Variants in ENAH observed in about 807,000 individuals in gnomAD.
ENAH encodes protein enabled homolog.
A neutral mutation model predicts 78.7 loss-of-function variants in ENAH; 23 were observed. The ratio of observed to expected loss-of-function variants is 0.29; its 90% CI spans 0.21 to 0.41. The LOEUF is 0.41. Ranked by LOEUF, ENAH falls within the 10% of genes least tolerant of loss-of-function variation. ENAH has a pLI of 1.00. For synonymous variants in ENAH, 226 were observed against 241.0 expected (o/e 0.94, Z 0.58); for missense variants, 544 against 691.0 (o/e 0.79, Z 2.39).
intron 1 of ENAH, among the ~76,000 whole-genome samples, chr1:225,645,617 G>C (rs1321201267): frequency 6.6e-6 from 1 of 152,160 alleles, no homozygotes; most frequent in East Asian, 1.9e-4. Context: ...TAAAGCAGCT[G>C]CACCATCTTA....
rs533885430 is a variant in ENAH at position 225,622,002 on chromosome 1, G to T, written c.5+30684C>A. On this transcript the variant is annotated intron_variant, in intron 1 of 13. Coordinates refer to ENST00000366843, the MANE Select transcript of ENAH (RefSeq NM_018212.6). ...CTGAAAATGTTTCTACTTCTAACAT[G>T]AAACAATCTATGTACTATCATCTTA... Among the ~76,000 whole-genome samples, 108 of 152,236 alleles carry T rather than the reference G, an allele frequency of 7.1e-4. 1 individual carries two copies. In the South Asian group the frequency reaches 0.022, roughly 30 times the overall value.
chr1:225,591,132 G>C (rs777001180), intron 1 of ENAH, among the ~76,000 whole-genome samples: 4 of 152,108 alleles, frequency 2.6e-5, no homozygotes, highest in Non-Finnish European at 5.9e-5. Flanking sequence ...CAGAATCATT[G>C]GCACATGGAC....
intron 1 of ENAH, among the ~76,000 whole-genome samples, chr1:225,643,852 G>A (rs1029069403): frequency 1.6e-4 from 24 of 152,040 alleles, no homozygotes; most frequent in African/African-American, 5.1e-4. Flanking sequence ...TGGGAGGATC[G>A]CTTGAGCCCA....
intron 1 of ENAH, among the ~76,000 whole-genome samples, chr1:225,609,993 A>G (rs1179514019): frequency 1.3e-5 from 2 of 152,068 alleles, no homozygotes; most frequent in Non-Finnish European, 1.5e-5. Context: ...GTAAAACTAC[A>G]TGACTATATA....
intron 1 of ENAH, among the ~76,000 whole-genome samples, chr1:225,607,430 A>T (rs781075689): frequency 7.9e-5 from 12 of 152,030 alleles, no homozygotes; most frequent in Admixed American, 7.2e-4. Context: ...GCTGAAGAAA[A>T]CAGAAACTGT....
At chr1:225,514,269 C>T (rs193066593) in intron 7 of ENAH, among the ~76,000 whole-genome samples, 14 of 152,128 alleles carry the variant, frequency 9.2e-5, no homozygotes, top group African/African-American at 2.9e-4. Context: ...CGGGTTCAAG[C>T]GATTCTTCTG....
chr1:225,610,161 A>T (rs1052434356), intron 1 of ENAH, among the ~76,000 whole-genome samples: 1 of 110,788 alleles, frequency 9.0e-6, no homozygotes, highest in African/African-American at 5.4e-5. Flanking sequence ...TATGTTCAAT[A>T]AAAAAAAAAA....
At position 225,490,393 on chromosome 1, in the gene ENAH, TGA is replaced by T. The variant is rs2096216906; in HGVS notation, c.*7380_*7381del. 2.0e-5 allele frequency: 3 copies of T among 152,064 alleles called. No homozygotes were observed. The highest frequency in any genetic ancestry group is 4.4e-5 in the Non-Finnish European group (3 of 68,028). The allele number at this position is 152,064 out of a possible 1,614,324, so 9.4% of individuals were successfully genotyped here. A position where few individuals can be genotyped will look rare whatever the true frequency, so the allele number is the denominator to read the frequency against. On this transcript the variant is annotated 3_prime_UTR_variant, in exon 14 of 14. Transcript: ENST00000366843. ...TTCAAGACCAGCCTGGGCAACATGG[TGA>T]AACCCCATCTCTACTAAAAATACAA...
chr1:225,514,173 A>G (rs1279869378), intron 7 of ENAH, among the ~76,000 whole-genome samples: 1 of 151,874 alleles, frequency 6.6e-6, no homozygotes, highest in East Asian at 1.9e-4. Context: ...ATTTTTATTT[A>G]TTTTATTTTT....
chr1:225,533,741 G>A (rs1002814073), intron 3 of ENAH, among the ~76,000 whole-genome samples: 3 of 152,058 alleles, frequency 2.0e-5, no homozygotes, highest in African/African-American at 7.2e-5. Flanking sequence ...TCTATAATAG[G>A]AACTGTATGT....
chr1:225,650,781 C>T lies in ENAH; in HGVS notation c.5+1905G>A, dbSNP rs758748762. Among the ~76,000 whole-genome samples, 91 of 129,210 alleles carry T rather than the reference C, an allele frequency of 7.0e-4. 1 individual carries two copies. The highest frequency in any genetic ancestry group is 1.1e-3 in the Non-Finnish European group (70 of 64,040). 84.8% of individuals were successfully genotyped at this position (129,210 alleles called of 152,430 possible). A position where few individuals can be genotyped will look rare whatever the true frequency, so the allele number is the denominator to read the frequency against. ...AGGAGAATCGCTTGAACCCAGGAGG[C>T]GGAGGTTGCAGTGAGCCGAGACCGC... On this transcript the variant is annotated intron_variant, in intron 1 of 13. Coordinates refer to ENST00000366843, the MANE Select transcript of ENAH (RefSeq NM_018212.6).
In ENAH at chr1:225,596,964, T is replaced by C. The variant is rs376185721; in HGVS notation, c.6-29550A>G. Reference sequence around the variant, plus strand: ...TAAATTGAACAAGTGGTCACAGCTGTTAGGTGTACTGTTTCTGTCATTCTG... The same window carrying C: ...TAAATTGAACAAGTGGTCACAGCTGCTAGGTGTACTGTTTCTGTCATTCTG... On this transcript the variant is annotated intron_variant, in intron 1 of 13. Transcript: ENST00000366843. 4.6e-5 allele frequency among the ~76,000 whole-genome samples: 7 copies of C among 152,284 alleles called. 1 individual carries two copies. The East Asian group carries it at 1.3e-3, about 29-fold the overall frequency.
intron 4 of ENAH, chr1:225,524,576 C>G (rs568716048): frequency 3.0e-6 from 3 of 984,738 alleles, no homozygotes; most frequent in Non-Finnish European, 3.6e-6. Flanking sequence ...TACAAAGCCG[C>G]TGAGGCAAGA....
chr1:225,545,957 G>A (rs1575477361), intron 3 of ENAH, among the ~76,000 whole-genome samples: 1 of 126,592 alleles, frequency 7.9e-6, no homozygotes, highest in East Asian at 2.3e-4. Context: ...GGGCCTCACT[G>A]TAGCCCAGGC....
intron 1 of ENAH, among the ~76,000 whole-genome samples, chr1:225,579,891 G>A (rs1010208512): frequency 2.0e-5 from 3 of 152,004 alleles, no homozygotes; most frequent in Non-Finnish European, 4.4e-5. Flanking sequence ...TACAGAAAAA[G>A]AACCTTTCAA....
chr1:225,640,753 G>A (rs1477016693), intron 1 of ENAH, among the ~76,000 whole-genome samples: 2 of 152,076 alleles, frequency 1.3e-5, no homozygotes, highest in Non-Finnish European at 1.5e-5. Context: ...CATACAGTAA[G>A]TACTCAATAA....
chr1:225,600,800 T>C (rs902721007), intron 1 of ENAH, among the ~76,000 whole-genome samples: 21 of 152,104 alleles, frequency 1.4e-4, no homozygotes, highest in African/African-American at 4.3e-4. Flanking sequence ...CAGTAAGCTG[T>C]GATCACAACA....
At chr1:225,547,676 T>C (rs752689183) in intron 3 of ENAH, among the ~76,000 whole-genome samples, 63 of 152,182 alleles carry the variant, frequency 4.1e-4, no homozygotes, top group Non-Finnish European at 7.4e-4. Flanking sequence ...ACGCCCTTCT[T>C]GATCACCTAC....
intron 3 of ENAH, among the ~76,000 whole-genome samples, chr1:225,534,863 T>C (rs1346892774): frequency 6.6e-6 from 1 of 152,130 alleles, no homozygotes; most frequent in Non-Finnish European, 1.5e-5. Context: ...CTCTCTAATT[T>C]GGGGTGGCTA....
Sources: allele counts gnomAD v4.1 joint callset (sites outside exome capture counted in the v4.1 genomes callset), GRCh38; gene constraint gnomAD v4.1.1; transcripts MANE v1.5; gene names NCBI Gene and HGNC (gene_info 2026-07-23, HGNC 2026-07-21).